GK5: variants seen among roughly 807,000 people sequenced by gnomAD.
GK5 encodes glycerol kinase 5.
GK5 carries 39 observed loss-of-function variants against 77.3 expected under a neutral mutation model. That is an observed-to-expected ratio of 0.50 (90% CI 0.39 to 0.66). GK5 has a LOEUF of 0.66. Among genes scored for constraint, GK5 ranks in the 30% least tolerant of loss-of-function variants. GK5 has a pLI of 0.00. For synonymous variants in GK5, 211 were observed against 208.0 expected (o/e 1.01, Z -0.13); for missense variants, 487 against 633.8 (o/e 0.77, Z 2.49).
At chr3:142,180,072 G>A (rs766277796) in intron 11 of GK5, among the ~76,000 whole-genome samples, 1 of 152,064 alleles carries the variant, frequency 6.6e-6, no homozygotes, top group Non-Finnish European at 1.5e-5. Context: ...ATTCTCCCAG[G>A]CAATCCTATG....
At chr3:142,177,231 C>T (rs1490675593) in intron 12 of GK5, among the ~76,000 whole-genome samples, 1 of 152,128 alleles carries the variant, frequency 6.6e-6, no homozygotes, top group Admixed American at 6.5e-5. Context: ...AGGTTCCACA[C>T]AGTTCTAAGC....
At chr3:142,181,913 C>T (rs537858388) in intron 10 of GK5, among the ~76,000 whole-genome samples, 18 of 152,236 alleles carry the variant, frequency 1.2e-4, no homozygotes, top group Admixed American at 7.2e-4. Flanking sequence ...AGAAATATGG[C>T]AATAAATATT....
At chr3:142,177,660 G>T in intron 11 of GK5, 84 bp from the exon 12 acceptor site, 1 of 759,920 alleles carries the variant, frequency 1.3e-6, no homozygotes, top group Non-Finnish European at 2.3e-6. Flanking sequence ...TTACATGATA[G>T]TATTTACCTG....
At chr3:142,188,125 G>A (rs114203670) in intron 5 of GK5, among the ~76,000 whole-genome samples, 2,694 of 152,084 alleles carry the variant, frequency 0.018, 31 homozygotes, top group Non-Finnish European at 0.026. Flanking sequence ...GGCTGGGTGC[G>A]TTGGCTCACG....
chr3:142,195,917 T>C (rs964481101), intron 5 of GK5, among the ~76,000 whole-genome samples: 7 of 152,264 alleles, frequency 4.6e-5, no homozygotes, highest in African/African-American at 1.7e-4. Context: ...TAATTCTTCT[T>C]TAAACTTTTG....
chr3:142,206,036 G>A (rs867103108), intron 3 of GK5, among the ~76,000 whole-genome samples: 12 of 152,010 alleles, frequency 7.9e-5, no homozygotes, highest in Admixed American at 2.0e-4. Context: ...CTTACTTCAC[G>A]TAGTATAATA....
rs753636662 is a variant in GK5, at chr3:142,194,846, C to T, written c.543+3956G>A. Reference sequence around the variant, plus strand: ...AGAGATAGTTTTACTCCTTCCTTTCCAATCTAGTTGCCTTTTATTACATTG... The same window carrying T: ...AGAGATAGTTTTACTCCTTCCTTTCTAATCTAGTTGCCTTTTATTACATTG... On this transcript the variant is annotated intron_variant, in intron 5 of 15. Transcript: ENST00000392993. Among the ~76,000 whole-genome samples, 10 of 150,124 alleles carry T rather than the reference C, an allele frequency of 6.7e-5. No homozygotes were observed. In the East Asian group the frequency reaches 1.4e-3, roughly 20 times the overall value.
chr3:142,208,170 T>C (rs994258895), intron 3 of GK5, among the ~76,000 whole-genome samples: 5 of 152,256 alleles, frequency 3.3e-5, no homozygotes, highest in African/African-American at 1.2e-4. Context: ...AATTTTAACA[T>C]AGCTTACTTA....
intron 1 of GK5, 107 bp downstream of exon 1, chr3:142,225,202 C>T: frequency 1.6e-6 from 2 of 1,249,704 alleles, no homozygotes; most frequent in Non-Finnish European, 2.1e-6. Context: ...TGCAGGTGGC[C>T]GCGTCCAGGG....
intron 1 of GK5, among the ~76,000 whole-genome samples, chr3:142,223,603 C>T (rs774661238): frequency 3.9e-5 from 6 of 152,242 alleles, no homozygotes; most frequent in Non-Finnish European, 7.3e-5. Context: ...CTCTGGGAGG[C>T]TGAGGCAGGC....
At chr3:142,168,025 C>A (rs2063493160) in intron 15 of GK5, among the ~76,000 whole-genome samples, 1 of 151,902 alleles carries the variant, frequency 6.6e-6, no homozygotes, top group Admixed American at 6.6e-5. Flanking sequence ...CAAAACAAAA[C>A]AAAACAAAAC....
At chr3:142,181,389 T>C in intron 11 of GK5, 72 bp downstream of exon 11, 1 of 794,838 alleles carries the variant, frequency 1.3e-6, no homozygotes, top group East Asian at 2.6e-5. Flanking sequence ...TGCTTCCTAC[T>C]AATCTGCAAT....
At position 142,170,305 on chromosome 3, in the gene GK5, C is replaced by G; in HGVS notation, c.1441+20G>C. 1 of 1,613,014 alleles carries G rather than the reference C, an allele frequency of 6.2e-7. No individual in the cohort carries two copies. The highest frequency in any genetic ancestry group is 8.5e-7 in the Non-Finnish European group (1 of 1,179,098). ...AAGAGTTTGCAAGAAAACTCTCATT[C>G]TTATAAATTTCACACATACCAACAG... On this transcript the variant is annotated intron_variant, in intron 15 of 15. Transcript: ENST00000392993.
intron 1 of GK5, among the ~76,000 whole-genome samples, chr3:142,218,229 C>CAA (rs769407213): frequency 2.1e-4 from 17 of 80,410 alleles, no homozygotes; most frequent in African/African-American, 7.4e-4. Flanking sequence ...CATCCATATG[C>CAA]AAAAAAAAAA....
At chr3:142,169,001 T>G (rs1006321794) in intron 15 of GK5, among the ~76,000 whole-genome samples, 1 of 152,192 alleles carries the variant, frequency 6.6e-6, no homozygotes, top group Non-Finnish European at 1.5e-5. Context: ...CTGGGAAGCC[T>G]AGACCACTTG....
chr3:142,185,918 T>G lies in GK5; in HGVS notation c.816+11A>C. On this transcript the variant is annotated intron_variant, in intron 9 of 15. Transcript: ENST00000392993. Reference sequence around the variant, plus strand: ...ACTATACAAAGGGAATCCCTCAAGTTTCCTACTTACCAAGGCAACTATTGG... The same window carrying G: ...ACTATACAAAGGGAATCCCTCAAGTGTCCTACTTACCAAGGCAACTATTGG... The G allele has an allele frequency of 6.3e-7, 1 of 1,599,200 alleles. No homozygotes were observed. The highest frequency in any genetic ancestry group is 2.2e-5 in the East Asian group (1 of 44,718).
chr3:142,167,534 A>G (rs1475232810), intron 15 of GK5, among the ~76,000 whole-genome samples: 1 of 152,230 alleles, frequency 6.6e-6, no homozygotes, highest in Non-Finnish European at 1.5e-5. Context: ...TATTGTTTAC[A>G]TTTTAAGACA....
intron 5 of GK5, among the ~76,000 whole-genome samples, chr3:142,191,270 C>T (rs1048378527): frequency 2.0e-5 from 3 of 151,900 alleles, no homozygotes; most frequent in Non-Finnish European, 2.9e-5. Flanking sequence ...CCTCGTGATC[C>T]GCCCACCTCG....
intron 11 of GK5, among the ~76,000 whole-genome samples, chr3:142,180,591 C>T (rs756437910): frequency 7.2e-5 from 11 of 152,124 alleles, no homozygotes; most frequent in Admixed American, 1.3e-4. Flanking sequence ...CGTGAGCCAC[C>T]GCGCCCAGCC....
Sources: allele counts gnomAD v4.1 joint callset (sites outside exome capture counted in the v4.1 genomes callset), GRCh38; gene constraint gnomAD v4.1.1; transcripts MANE v1.5; gene names NCBI Gene and HGNC (gene_info 2026-07-23, HGNC 2026-07-21).